DCC: variants seen among roughly 807,000 people sequenced by gnomAD.
The protein encoded by DCC is netrin receptor DCC.
DCC carries 58 observed loss-of-function variants against 172.5 expected under a neutral mutation model. The observed-to-expected ratio is 0.34, with a 90% confidence interval of 0.27 to 0.42. The LOEUF is 0.42. Among genes scored for constraint, DCC ranks in the 10% least tolerant of loss-of-function variants. The pLI, the probability that DCC is intolerant of heterozygous loss-of-function variation, is 1.00. For synonymous variants in DCC, 709 were observed against 644.5 expected (o/e 1.10, Z -1.52); for missense variants, 1,740 against 1,791.0 (o/e 0.97, Z 0.51).
At chr18:52,517,169 T>A (rs1166569816) in intron 1 of DCC, among the ~76,000 whole-genome samples, 1 of 152,182 alleles carries the variant, frequency 6.6e-6, no homozygotes, top group East Asian at 1.9e-4. Context: ...CCAGAAGCAA[T>A]CTGTGTTGTA....
intron 3 of DCC, among the ~76,000 whole-genome samples, chr18:52,919,202 G>A (rs989358228): frequency 5.3e-5 from 8 of 152,156 alleles, no homozygotes; most frequent in Admixed American, 2.6e-4. Flanking sequence ...TGAGACCGTG[G>A]CTGCAGAGCT....
intron 17 of DCC, among the ~76,000 whole-genome samples, chr18:53,393,918 T>TCTCTCTCTCTCTCTCTCC (rs1206586156): frequency 6.6e-6 from 1 of 151,624 alleles, no homozygotes; most frequent in Non-Finnish European, 1.5e-5. Context: ...TCTCTCCCTC[T>TCTCTCTCTCTCTCTCTCC]CTCCCTCCCT....
chr18:52,396,550 G>C (rs764982727), intron 1 of DCC, among the ~76,000 whole-genome samples: 1 of 151,982 alleles, frequency 6.6e-6, no homozygotes, highest in South Asian at 2.1e-4. Context: ...GAGGTGGCCT[G>C]AGCATCTCCA....
At chr18:53,478,031 T>G (rs1193058518) in intron 25 of DCC, among the ~76,000 whole-genome samples, 1 of 152,246 alleles carries the variant, frequency 6.6e-6, no homozygotes, top group African/African-American at 2.4e-5. Context: ...GGAGATTTAT[T>G]GGCTTAAGTG....
chr18:52,859,535 G>A (rs1004095463), intron 2 of DCC, among the ~76,000 whole-genome samples: 2 of 152,170 alleles, frequency 1.3e-5, no homozygotes, highest in Non-Finnish European at 2.9e-5. Context: ...GACCAGGGAA[G>A]AGGAGGCCTG....
At chr18:52,931,719 T>C (rs2040309943) in intron 5 of DCC, 1 of 152,116 alleles carries the variant, frequency 6.6e-6, no homozygotes, top group Non-Finnish European at 1.5e-5. Flanking sequence ...TTACAATAAA[T>C]AAAATATAAA....
intron 1 of DCC, among the ~76,000 whole-genome samples, chr18:52,374,143 C>T (rs9949206): frequency 0.18 from 26,873 of 151,788 alleles, 2,767 homozygotes; most frequent in African/African-American, 0.27. Context: ...CTGCCTGCCT[C>T]GGCCTCCCAA....
chr18:53,121,974 T>A (rs1307494512), intron 7 of DCC, among the ~76,000 whole-genome samples: 12 of 152,000 alleles, frequency 7.9e-5, no homozygotes, highest in Non-Finnish European at 4.4e-5. Flanking sequence ...ATGCAAACCC[T>A]ATTTTGAGAA....
rs575873081 is a variant in DCC at position 52,411,086 on chromosome 18, C to T, written c.91+70208C>T. ...TCCACCTTGACCACCCACCACTCTA[C>T]TTTTTATCACTTTCCCTTTTTATTC... is the stretch of plus-strand genomic sequence containing the variant. On this transcript the variant is annotated intron_variant, in intron 1 of 28. Transcript: ENST00000442544. Among the ~76,000 whole-genome samples, 15 of 152,282 alleles carry T rather than the reference C, an allele frequency of 9.9e-5. No homozygotes were observed. The East Asian group carries it at 2.9e-3, about 29-fold the overall frequency.
intron 7 of DCC, among the ~76,000 whole-genome samples, chr18:53,114,776 C>A (rs1341977665): frequency 6.6e-6 from 1 of 151,530 alleles, no homozygotes; most frequent in East Asian, 2.0e-4. Flanking sequence ...TTTCTGTGGG[C>A]CCTGGCTCCT....
intron 8 of DCC, among the ~76,000 whole-genome samples, chr18:53,160,187 A>G (rs1467150166): frequency 2.0e-5 from 3 of 152,102 alleles, no homozygotes; most frequent in African/African-American, 7.2e-5. Context: ...TCAATCCTCT[A>G]TACCCCCTTG....
chr18:53,520,159 A>G (rs1321934532), intron 27 of DCC, among the ~76,000 whole-genome samples: 1 of 152,128 alleles, frequency 6.6e-6, no homozygotes, highest in Non-Finnish European at 1.5e-5. Context: ...TTCAATGTCA[A>G]AGTCTTTGAA....
chr18:53,033,175 G>A (rs2042047798), intron 5 of DCC, among the ~76,000 whole-genome samples: 2 of 152,050 alleles, frequency 1.3e-5, no homozygotes, highest in East Asian at 1.9e-4. Flanking sequence ...GTGTAATGAA[G>A]GAACTCAACT....
chr18:52,418,844 TTC>T lies in DCC; in HGVS notation c.91+77968_91+77969del, dbSNP rs57230957. ...TATCCGAGATCCTTTTTCTTTTTCTTTCTTTCTTTCTTTCTTTTTTTTTTTTT... is the reference window on the plus strand; with the variant it reads ...TATCCGAGATCCTTTTTCTTTTTCTTTTTCTTTCTTTCTTTTTTTTTTTTT... On this transcript the variant is annotated intron_variant, in intron 1 of 28. Transcript: ENST00000442544. 2.1e-3 allele frequency among the ~76,000 whole-genome samples: 268 copies of T among 126,330 alleles called. 6 individuals are homozygous for T. In the East Asian group the frequency reaches 0.053, roughly 25 times the overall value. 82.9% of individuals were successfully genotyped at this position (126,330 alleles called of 152,430 possible).
intron 8 of DCC, among the ~76,000 whole-genome samples, chr18:53,177,033 C>G (rs2055108388): frequency 6.6e-6 from 1 of 152,014 alleles, no homozygotes; most frequent in Non-Finnish European, 1.5e-5. Context: ...TTTGTAGGGA[C>G]ATGGATGAAA....
At chr18:53,285,666 GCA>G (rs2056927388) in intron 12 of DCC, among the ~76,000 whole-genome samples, 1 of 152,164 alleles carries the variant, frequency 6.6e-6, no homozygotes, top group African/African-American at 2.4e-5. Flanking sequence ...TATGAGAAGA[GCA>G]CCACCATCCT....
At chr18:53,137,552 T>C (rs1447424143) in intron 7 of DCC, among the ~76,000 whole-genome samples, 1 of 152,194 alleles carries the variant, frequency 6.6e-6, no homozygotes, top group East Asian at 1.9e-4. Flanking sequence ...TGCCATGTAA[T>C]GTAATCTAAC....
chr18:52,535,510 TG>T (rs201287373), intron 1 of DCC, among the ~76,000 whole-genome samples: 1,667 of 152,324 alleles, frequency 0.011, 36 homozygotes, highest in African/African-American at 0.037. Context: ...GTATGCATTT[TG>T]TGAAGCTTGT....
rs1911362874 is a variant in DCC at position 53,428,976 on chromosome 18, T to TATATATATTTTATATTTTTTTATATA, written c.3164-6153_3164-6152insTTTTTTATATAATATATATTTTATAT. Among the ~76,000 whole-genome samples the TATATATATTTTATATTTTTTTATATA allele has an allele frequency of 2.9e-5, 2 of 69,186 alleles. 1 individual carries two copies. The allele number at this position is 69,186 out of a possible 152,430, so 45.4% of individuals were successfully genotyped here. A position where few individuals can be genotyped will look rare whatever the true frequency, so the allele number is the denominator to read the frequency against. On this transcript the variant is annotated intron_variant, in intron 21 of 28. Transcript: ENST00000442544. ...AACATATTATATTTTATATATAACATATATATATTTTATATATTTTTTATA... is the reference window on the plus strand; with the variant it reads ...AACATATTATATTTTATATATAACATATATATATTTTATATTTTTTTATATAATATATATTTTATATATTTTTTATA...
Sources: gnomAD v4.1 joint callset for allele counts (sites outside exome capture counted in the v4.1 genomes callset) on GRCh38, gnomAD v4.1.1 for gene constraint, MANE v1.5 for transcripts, NCBI Gene and HGNC (gene_info 2026-07-23, HGNC 2026-07-21) for gene names.